The following VAV3 variants were observed in gnomAD, a reference collection of about 807,000 sequenced individuals.
VAV3 encodes the protein vav guanine nucleotide exchange factor 3.
In VAV3, 94 loss-of-function variants were observed where a neutral mutation model predicts 131.2. The ratio of observed to expected loss-of-function variants is 0.72; its 90% confidence interval spans 0.61 to 0.85. VAV3 has a LOEUF of 0.85. Ranked by LOEUF, VAV3 falls within the 40% of genes least tolerant of loss-of-function variation. The pLI is 0.00. For missense variants in VAV3, 939 were observed against 1,002.7 expected (o/e 0.94, Z 0.86); for synonymous variants, 349 against 342.0 (o/e 1.02, Z -0.22).
chr1:107,594,214 T>C (rs1350973015), intron 25 of VAV3, among the ~76,000 whole-genome samples: 1 of 152,064 alleles, frequency 6.6e-6, no homozygotes, highest in Non-Finnish European at 1.5e-5. Flanking sequence ...TATAAAAATA[T>C]GAAACTCCTC....
intron 19 of VAV3, among the ~76,000 whole-genome samples, chr1:107,658,421 G>T (rs1656745011): frequency 6.6e-6 from 1 of 152,154 alleles, no homozygotes; most frequent in Non-Finnish European, 1.5e-5. Context: ...GTGTGCATGT[G>T]TCTTTATAGC....
intron 18 of VAV3, among the ~76,000 whole-genome samples, chr1:107,686,895 T>C (rs1448711394): frequency 3.9e-5 from 6 of 152,128 alleles, no homozygotes; most frequent in African/African-American, 1.4e-4. Context: ...CATTACTTAA[T>C]TAAAATGAAA....
chr1:107,867,263 G>T (rs552284072), intron 2 of VAV3, among the ~76,000 whole-genome samples: 1 of 152,262 alleles, frequency 6.6e-6, no homozygotes, highest in African/African-American at 2.4e-5. Flanking sequence ...GAAGAGTAAA[G>T]AGTTTATTGA....
chr1:107,882,301 A>C (rs1670820634), intron 1 of VAV3, among the ~76,000 whole-genome samples: 1 of 152,194 alleles, frequency 6.6e-6, no homozygotes, highest in Non-Finnish European at 1.5e-5. Flanking sequence ...TCAGCATCTC[A>C]GAATAAAGAA....
intron 21 of VAV3, among the ~76,000 whole-genome samples, chr1:107,611,853 C>A (rs1329048553): frequency 6.6e-6 from 1 of 152,090 alleles, no homozygotes; most frequent in Non-Finnish European, 1.5e-5. Flanking sequence ...CAGCCATGAT[C>A]CATATTACTC....
intron 19 of VAV3, among the ~76,000 whole-genome samples, chr1:107,649,397 T>C (rs888999405): frequency 1.3e-5 from 2 of 152,086 alleles, no homozygotes; most frequent in Non-Finnish European, 2.9e-5. Flanking sequence ...GAGGCAGATA[T>C]CTAAGTCAGC....
intron 19 of VAV3, among the ~76,000 whole-genome samples, chr1:107,660,700 T>G (rs935270966): frequency 6.6e-6 from 1 of 152,228 alleles, no homozygotes; most frequent in African/African-American, 2.4e-5. Flanking sequence ...GCATATTAAT[T>G]TTTTTAAAAA....
intron 1 of VAV3, among the ~76,000 whole-genome samples, chr1:107,929,425 GA>G (rs1238879643): frequency 2.6e-5 from 4 of 151,730 alleles, no homozygotes; most frequent in Non-Finnish European, 5.9e-5. Flanking sequence ...TGTCCTACAA[GA>G]AATGTTAAAA....
intron 1 of VAV3, among the ~76,000 whole-genome samples, chr1:107,927,936 T>C (rs911291865): frequency 6.6e-6 from 1 of 151,930 alleles, no homozygotes; most frequent in Non-Finnish European, 1.5e-5. Context: ...AACACAGCAG[T>C]AGCCAGGGAG....
chr1:107,729,054 C>T (rs558088210), intron 15 of VAV3, among the ~76,000 whole-genome samples: 68 of 152,180 alleles, frequency 4.5e-4, no homozygotes, highest in African/African-American at 1.5e-3. Context: ...CTATTCAAGC[C>T]CCTACTACAA....
chr1:107,596,301 C>G lies in VAV3; in HGVS notation c.2261G>C (p.Gly754Ala), dbSNP rs749420036. The change falls in exon 25 of 27, where the codon GGG becomes GCG. Residue 754 changes from glycine (G) to alanine (A), a missense_variant. Coordinates refer to ENST00000370056, the MANE Select transcript of VAV3 (RefSeq NM_006113.5). ...CAGAGTTGTATCTAAGGTTCTGAAC[C>G]CTTCCTTGAGAGAATGATGCTTGTA... ...EYYKHHSLKEGFRTLDTTLQF... is the reference protein window; with the variant it reads ...EYYKHHSLKEAFRTLDTTLQF... 1.5e-5 allele frequency: 24 copies of G among 1,613,426 alleles called. No homozygotes were observed. In the Admixed American group the frequency reaches 3.8e-4, roughly 26 times the overall value.
chr1:107,583,893 T>A (rs556312493), intron 25 of VAV3, among the ~76,000 whole-genome samples: 5 of 152,100 alleles, frequency 3.3e-5, no homozygotes, highest in Non-Finnish European at 7.4e-5. Context: ...CTTCACAGAA[T>A]TGGAAAAAAC....
At chr1:107,653,247 T>A (rs929442363) in intron 19 of VAV3, among the ~76,000 whole-genome samples, 1 of 151,764 alleles carries the variant, frequency 6.6e-6, no homozygotes, top group Non-Finnish European at 1.5e-5. Flanking sequence ...TTTTTTTTTT[T>A]AAAGAGGCTA....
At chr1:107,724,836 GA>G (rs60207273) in intron 15 of VAV3, among the ~76,000 whole-genome samples, 2,141 of 147,484 alleles carry the variant, frequency 0.015, 49 homozygotes, top group African/African-American at 0.05. Flanking sequence ...GTGGTGGGGG[GA>G]AAAAAAAAAG....
intron 1 of VAV3, among the ~76,000 whole-genome samples, chr1:107,960,916 T>C (rs1233403877): frequency 6.6e-6 from 1 of 151,144 alleles, no homozygotes; most frequent in Non-Finnish European, 1.5e-5. Flanking sequence ...TAGATAAATA[T>C]ATAAATAATT....
At chr1:107,748,462 C>A (rs1482857075) in intron 15 of VAV3, among the ~76,000 whole-genome samples, 1 of 152,024 alleles carries the variant, frequency 6.6e-6, no homozygotes, top group Non-Finnish European at 1.5e-5. Flanking sequence ...GAAATCAAGC[C>A]CTTAAAGCAT....
At chr1:107,834,130 T>C (rs1668374868) in intron 2 of VAV3, among the ~76,000 whole-genome samples, 1 of 152,228 alleles carries the variant, frequency 6.6e-6, no homozygotes, top group South Asian at 2.1e-4. Context: ...TGTTTTCTCA[T>C]TATGCAATTT....
chr1:107,573,682 T>C (rs1473216213), intron 26 of VAV3, among the ~76,000 whole-genome samples: 1 of 152,132 alleles, frequency 6.6e-6, no homozygotes, highest in Non-Finnish European at 1.5e-5. Flanking sequence ...AAGACAGAGG[T>C]ACTATGTCCC....
At chr1:107,779,660 G>A (rs201836900) in intron 2 of VAV3, among the ~76,000 whole-genome samples, 168 bp from the exon 3 acceptor site, 1 of 151,642 alleles carries the variant, frequency 6.6e-6, no homozygotes, top group East Asian at 1.9e-4. Context: ...ATAAACACCT[G>A]GATTATAATT....
Sources: allele counts gnomAD v4.1 joint callset (sites outside exome capture counted in the v4.1 genomes callset), GRCh38; gene constraint gnomAD v4.1.1; transcripts MANE v1.5; gene names NCBI Gene and HGNC (gene_info 2026-07-23, HGNC 2026-07-21).